Variants in CACNA1H observed in about 807,000 individuals in gnomAD.
CACNA1H encodes the protein voltage-dependent T-type calcium channel subunit alpha-1H.
A neutral mutation model predicts 192.5 loss-of-function variants in CACNA1H; 149 were observed. That is an observed-to-expected ratio of 0.77 (90% CI 0.68 to 0.89). The LOEUF is 0.89. CACNA1H is among the 40% of genes least tolerant of loss of function. The pLI is 0.00. For synonymous variants in CACNA1H, 2,202 were observed against 1,475.2 expected (o/e 1.49, Z -11.29); for missense variants, 4,257 against 3,423.5 (o/e 1.24, Z -6.08).
intron 2 of CACNA1H, chr16:1,157,185 G>T (rs187029814): frequency 1.3e-5 from 2 of 152,112 alleles, no homozygotes; most frequent in Non-Finnish European, 2.9e-5. Context: ...ACCCTGCTTC[G>T]GTCCCTGCGA....
At chr16:1,183,580 C>T (rs1269700359) in intron 2 of CACNA1H, among the ~76,000 whole-genome samples, 8 of 152,344 alleles carry the variant, frequency 5.3e-5, no homozygotes, top group East Asian at 1.9e-4. Flanking sequence ...TAAGAGGCCC[C>T]GCTGGAGAAC....
chr16:1,169,030 G>A (rs1197107493), intron 2 of CACNA1H, among the ~76,000 whole-genome samples: 1 of 152,144 alleles, frequency 6.6e-6, no homozygotes, highest in Non-Finnish European at 1.5e-5. Context: ...GAGTGCGTGG[G>A]CTCGGGTGCT....
At chr16:1,157,677 T>C (rs545378420) in intron 2 of CACNA1H, 1 of 152,398 alleles carries the variant, frequency 6.6e-6, no homozygotes, top group East Asian at 1.9e-4. Flanking sequence ...TTGAACACTT[T>C]GTCTTAGCAG....
rs747426357 is a variant in CACNA1H, at chr16:1,205,246, G to A, written c.2584G>A (p.Gly862Ser). The change falls in exon 11 of 35, where the codon GGC becomes AGC. Residue 862 changes from glycine (G) to serine (S), a missense_variant. Gly to Ser is a moderately conservative substitution (Grantham distance 56). Coordinates refer to ENST00000348261, the MANE Select transcript of CACNA1H (RefSeq NM_021098.3). Reference protein sequence around the residue: ...YIRNPYNIFDGIIVVISVWEI... With the variant: ...YIRNPYNIFDSIIVVISVWEI... The stretch of plus-strand genomic sequence containing the variant: ...CCGGAACCCGTACAACATCTTCGAC[G>A]GCATCATCGTGGTCATCAGGTGGGT... 43 of 1,608,104 alleles carry A rather than the reference G, an allele frequency of 2.7e-5. No homozygotes were observed. The highest frequency in any genetic ancestry group is 4.5e-5 in the East Asian group (2 of 44,726).
At chr16:1,212,616 C>T in intron 26 of CACNA1H, 88 bp downstream of exon 26, 1 of 1,498,320 alleles carries the variant, frequency 6.7e-7, no homozygotes, top group Non-Finnish European at 9.1e-7. Context: ...CTGGGGTCCT[C>T]CGCAGGGTGG....
chr16:1,210,979 G>A lies in CACNA1H; in HGVS notation c.4223+8G>A, dbSNP rs759696447. The A allele has an allele frequency of 6.3e-7, 1 of 1,591,398 alleles. No homozygotes were observed. The highest frequency in any genetic ancestry group is 1.1e-5 in the South Asian group (1 of 90,652). The stretch of plus-strand genomic sequence containing the variant: ...GACCCTGCGGCCTCTGAGGTGGGGG[G>A]CTCCCCGTGGGCTCCCGGGGCAACC... On this transcript the variant is annotated splice_region_variant and intron_variant, in intron 21 of 34. Transcript: ENST00000348261.
chr16:1,189,014 C>T (rs1192592850), intron 2 of CACNA1H, among the ~76,000 whole-genome samples: 1 of 150,622 alleles, frequency 6.6e-6, no homozygotes, highest in African/African-American at 2.5e-5. Context: ...TGAGGGGCTT[C>T]TGTGGACCTT....
chr16:1,213,713 G>A lies in CACNA1H; in HGVS notation c.4778-67G>A, dbSNP rs1033520105. 3.1e-6 allele frequency: 4 copies of A among 1,270,560 alleles called. No homozygotes were observed. In the African/African-American group the frequency reaches 6.1e-5, roughly 19 times the overall value. 78.7% of individuals were successfully genotyped at this position (1,270,560 alleles called of 1,614,324 possible). On this transcript the variant is annotated intron_variant, in intron 26 of 34. Transcript: ENST00000348261. The stretch of plus-strand genomic sequence containing the variant: ...CACTTGGCCACCTAGGAGGAGAATG[G>A]AGTCTGCAGGAGCCAGGAGCGCCGG...
intron 2 of CACNA1H, among the ~76,000 whole-genome samples, chr16:1,192,662 G>A (rs1177230302): frequency 1.3e-5 from 2 of 152,148 alleles, no homozygotes; most frequent in Admixed American, 6.5e-5. Flanking sequence ...GGTGTGAAAG[G>A]CCTTGTGTCC....
chr16:1,198,758 G>C lies in CACNA1H; in HGVS notation c.787G>C (p.Asp263His). 6.2e-7 allele frequency: 1 copy of C among 1,611,810 alleles called. No individual in the cohort carries two copies. The highest frequency in any genetic ancestry group is 1.3e-5 in the African/African-American group (1 of 74,974). Residue 263 changes from aspartate to histidine, a missense_variant, in exon 6 of 35, where the codon GAC (aspartate) becomes CAC (histidine). Transcript: ENST00000348261. ...AGLLRNRCFL[D>H]SAFVRNNNLT... ...CCTCCTGCGGAACCGCTGCTTCCTG[G>C]ACAGTGCCTTTGTCAGGTGCCCAGG... is the stretch of plus-strand genomic sequence containing the variant.
At chr16:1,164,669 G>T (rs927476431) in intron 2 of CACNA1H, among the ~76,000 whole-genome samples, 1 of 152,244 alleles carries the variant, frequency 6.6e-6, no homozygotes, top group Non-Finnish European at 1.5e-5. Flanking sequence ...TGGGAGTGAG[G>T]CCTTTCCGTC....
Position 1,212,040 on chromosome 16 carries a change from T to G in CACNA1H, c.4661T>G (p.Val1554Gly). 1 of 1,613,350 alleles carries G rather than the reference T, an allele frequency of 6.2e-7. No homozygotes were observed. The highest frequency in any genetic ancestry group is 8.5e-7 in the Non-Finnish European group (1 of 1,179,674). The change falls in exon 25 of 35, where the codon GTG becomes GGG. Residue 1554 changes from valine (V) to glycine (G), a missense_variant. Val to Gly is a moderately radical substitution (Grantham distance 109). Coordinates refer to ENST00000348261, the MANE Select transcript of CACNA1H (RefSeq NM_021098.3). ...FFVLNMFVGV[V>G]VENFHKCRQH... ...GTGCTCAACATGTTCGTGGGCGTCG[T>G]GGTCGAGAACTTCCACAAGTGCCGG...
chr16:1,186,864 G>A (rs982136724), intron 2 of CACNA1H, among the ~76,000 whole-genome samples: 3 of 152,184 alleles, frequency 2.0e-5, no homozygotes, highest in Admixed American at 1.3e-4. Flanking sequence ...AGGGCGGTCC[G>A]TCCCACTCCC....
intron 2 of CACNA1H, among the ~76,000 whole-genome samples, chr16:1,194,014 G>A (rs1966833953): frequency 6.6e-6 from 1 of 152,102 alleles, no homozygotes; most frequent in Non-Finnish European, 1.5e-5. Context: ...GTTGGGCAGG[G>A]GGCGCTGCTG....
chr16:1,206,704 G>A, intron 12 of CACNA1H: 1 of 461,116 alleles, frequency 2.2e-6, no homozygotes, highest in Non-Finnish European at 3.9e-6. Context: ...GAGGCTGAAT[G>A]AGGCAGGTGT....
chr16:1,200,765 C>G lies in CACNA1H; in HGVS notation c.1169C>G (p.Ala390Gly). The change falls in exon 8 of 35, where the codon GCC (alanine) becomes GGC (glycine). Residue 390 changes from alanine (A) to glycine (G), a missense_variant. Transcript: ENST00000348261. ...GACATCATGTACTACGTCATGGACG[C>G]CCACTCATTCTACAACTTCATCTAT... ...WVDIMYYVMD[A>G]HSFYNFIYFI... The G allele has an allele frequency of 6.4e-7, 1 of 1,555,806 alleles. No individual in the cohort carries two copies. Among genetic ancestry groups the G allele is most frequent in the Non-Finnish European group, 8.7e-7 (1 of 1,149,602 alleles).
At position 1,183,995 on chromosome 16, in the gene CACNA1H, G is replaced by T. The variant is rs149521964; in HGVS notation, c.300-10977G>T. 2.7e-3 allele frequency among the ~76,000 whole-genome samples: 416 copies of T among 152,342 alleles called. 4 individuals carry two copies. Among genetic ancestry groups the T allele is most frequent in the African/African-American group, 5.4e-3 (226 of 41,578 alleles). On this transcript the variant is annotated intron_variant, in intron 2 of 34. Coordinates refer to ENST00000348261, the MANE Select transcript of CACNA1H (RefSeq NM_021098.3). ...CTGCCTCGGCAGCTGTGGCTGCCCCGGTGCTTCATCGGATGCCAGGGACAG... is the reference window on the plus strand; with the variant it reads ...CTGCCTCGGCAGCTGTGGCTGCCCCTGTGCTTCATCGGATGCCAGGGACAG...
At chr16:1,211,360 C>T (rs1340749400) in intron 22 of CACNA1H, 66 bp downstream of exon 22, 1 of 1,608,120 alleles carries the variant, frequency 6.2e-7, no homozygotes. Context: ...CCCAGCGTGG[C>T]TCCCAGCAGC....
At chr16:1,184,046 C>T (rs1325281952) in intron 2 of CACNA1H, among the ~76,000 whole-genome samples, 1 of 152,190 alleles carries the variant, frequency 6.6e-6, no homozygotes. Flanking sequence ...CCGGGCTGTG[C>T]CTGGCCCATC....
Sources: gnomAD v4.1 joint callset for allele counts (sites outside exome capture counted in the v4.1 genomes callset) on GRCh38, gnomAD v4.1.1 for gene constraint, MANE v1.5 for transcripts, NCBI Gene and HGNC (gene_info 2026-07-23, HGNC 2026-07-21) for gene names.